The following MCM10 variants were observed in gnomAD, a reference collection of about 807,000 sequenced individuals.
MCM10 encodes the protein protein MCM10 homolog.
A neutral mutation model predicts 109.9 loss-of-function variants in MCM10; 91 were observed. That is an observed-to-expected ratio of 0.83 (90% confidence interval 0.70 to 0.99). The LOEUF is 0.99. Among genes scored for constraint, MCM10 ranks in the 50% least tolerant of loss-of-function variants. MCM10 has a pLI of 0.00. For missense variants in MCM10, 1,077 were observed against 1,061.2 expected (o/e 1.01, Z -0.21); for synonymous variants, 380 against 387.2 (o/e 0.98, Z 0.22).
chr10:13,198,652 T>C, intron 15 of MCM10, 37 bp from the exon 16 acceptor site: 2 of 1,394,588 alleles, frequency 1.4e-6, no homozygotes, highest in Non-Finnish European at 2.0e-6. Context: ...TTCTGAAATT[T>C]CTTGGTCGCT....
At chr10:13,198,323 A>T (rs1293093721) in intron 15 of MCM10, among the ~76,000 whole-genome samples, 1 of 152,254 alleles carries the variant, frequency 6.6e-6, no homozygotes, top group Non-Finnish European at 1.5e-5. Context: ...TTACTTTGAC[A>T]GAACTAGAAT....
Position 13,197,629 on chromosome 10 carries a change from G to C in MCM10, c.1981G>C (p.Ala661Pro), listed in dbSNP as rs772418997. 1.2e-6 allele frequency: 2 copies of C among 1,612,312 alleles called. No homozygotes were observed. Among genetic ancestry groups the C allele is most frequent in the East Asian group, 2.2e-5 (1 of 44,824 alleles). ...CTCATTCCCTTTTTTCTAGTTAGCT[G>C]CTATCACCAAATTAAGGGCAAAAGG... ...SALAEAKKLA[A>P]ITKLRAKGQV... Residue 661 changes from alanine (A) to proline (P), a missense_variant, in exon 15 of 20, where the codon GCT becomes CCT. By Grantham distance (27) the Ala-to-Pro change is conservative (BLOSUM62 -1). Coordinates refer to ENST00000378714, the MANE Select transcript of MCM10 (RefSeq NM_018518.5).
rs190404042 is a variant in MCM10, at chr10:13,210,435, T to A, written c.*1125T>A. On this transcript the variant is annotated 3_prime_UTR_variant, in exon 20 of 20. Transcript: ENST00000378714. Reference sequence around the variant, plus strand: ...AAATATCATTTGACCTAAGTGAATGTTGATACTAGCTAAAGATTGGGTAAA... The same window carrying A: ...AAATATCATTTGACCTAAGTGAATGATGATACTAGCTAAAGATTGGGTAAA... 2.0e-5 allele frequency: 3 copies of A among 152,330 alleles called. No individual in the cohort carries two copies. Among genetic ancestry groups the A allele is most frequent in the Admixed American group, 2.0e-4 (3 of 15,300 alleles). The allele number at this position is 152,330 out of a possible 1,614,324, so 9.4% of individuals were successfully genotyped here.
chr10:13,198,650 TTTC>T, intron 15 of MCM10, 36 bp from the exon 16 acceptor site: 1 of 1,386,892 alleles, frequency 7.2e-7, no homozygotes, highest in Non-Finnish European at 1.0e-6. Context: ...CTTTCTGAAA[TTTC>T]TTGGTCGCTG....
chr10:13,175,661 C>A lies in MCM10; in HGVS notation c.744C>A (p.Ala248=), dbSNP rs1834132931. ...CGACTCAACCCATCTGTGTGGAAGCCTTCTCTGGTCTGCGGCTCAGGTCAG... is the reference window on the plus strand; with the variant it reads ...CGACTCAACCCATCTGTGTGGAAGCATTCTCTGGTCTGCGGCTCAGGTCAG... ...GETTQPICVE[A]FSGLRLRRPR... The change falls in exon 6 of 20, where the codon GCC becomes GCA. Residue 248 remains alanine (A), a synonymous_variant. Coordinates refer to ENST00000378714, the MANE Select transcript of MCM10 (RefSeq NM_018518.5). 3.7e-6 allele frequency: 6 copies of A among 1,608,138 alleles called. No homozygotes were observed. The highest frequency in any genetic ancestry group is 5.1e-6 in the Non-Finnish European group (6 of 1,176,808).
chr10:13,163,594 T>TC, intron 1 of MCM10, among the ~76,000 whole-genome samples: 1 of 124,608 alleles, frequency 8.0e-6, no homozygotes, highest in Admixed American at 7.9e-5. Flanking sequence ...CTAAGTAGAA[T>TC]CATACAGTAA....
chr10:13,167,151 C>A (rs1376890176), intron 2 of MCM10, among the ~76,000 whole-genome samples: 2 of 151,684 alleles, frequency 1.3e-5, no homozygotes, highest in Non-Finnish European at 2.9e-5. Context: ...AATAAATAAA[C>A]AAACAAAAAA....
Position 13,172,507 on chromosome 10 carries a change from G to A in MCM10, c.454+27G>A, listed in dbSNP as rs763935946. On this transcript the variant is annotated intron_variant, in intron 4 of 19. Transcript: ENST00000378714. The surrounding 1 kb of genome is among the most constrained non-coding windows in gnomAD (Gnocchi z 5.2). The stretch of plus-strand genomic sequence containing the variant: ...TAAGAAGACTGTCATTCTGGCAATC[G>A]TGTGCATTTATTTTATTAGAAATTA... The A allele has an allele frequency of 1.1e-5, 17 of 1,606,166 alleles. No individual in the cohort carries two copies. Among genetic ancestry groups the A allele is most frequent in the South Asian group, 3.3e-5 (3 of 90,594 alleles).
intron 18 of MCM10, among the ~76,000 whole-genome samples, chr10:13,205,122 C>T (rs79880549): frequency 0.03 from 4,461 of 149,444 alleles, 196 homozygotes; most frequent in African/African-American, 0.093. Flanking sequence ...ATAGTAAAGT[C>T]GGGGCTTTTA....
At chr10:13,181,476 G>A (rs1374780790) in intron 7 of MCM10, among the ~76,000 whole-genome samples, 1 of 152,132 alleles carries the variant, frequency 6.6e-6, no homozygotes, top group Non-Finnish European at 1.5e-5. Flanking sequence ...CTAAATAAAT[G>A]AGATCACATG....
At position 13,183,975 on chromosome 10, in the gene MCM10, C is replaced by T. The variant is rs562630682; in HGVS notation, c.1098+875C>T. Among the ~76,000 whole-genome samples, 77 of 152,258 alleles carry T rather than the reference C, an allele frequency of 5.1e-4. 1 individual carries two copies. Among genetic ancestry groups the T allele is most frequent in the Non-Finnish European group, 1.0e-3 (70 of 68,012 alleles). On this transcript the variant is annotated intron_variant, in intron 8 of 19. Transcript: ENST00000378714. ...CCAGGTTCAAGTGGTTCTCCTGCCTCACCCTCAGCAGCTGGGATTACAGGC... is the reference window on the plus strand; with the variant it reads ...CCAGGTTCAAGTGGTTCTCCTGCCTTACCCTCAGCAGCTGGGATTACAGGC...
intron 6 of MCM10, among the ~76,000 whole-genome samples, chr10:13,177,206 C>T (rs1834153032): frequency 6.6e-6 from 1 of 152,088 alleles, no homozygotes; most frequent in Non-Finnish European, 1.5e-5. Flanking sequence ...GCAAAAGCTT[C>T]TGAGTGGCTT....
intron 18 of MCM10, 45 bp downstream of exon 18, chr10:13,204,409 ATC>A (rs1269877622): frequency 1.4e-5 from 22 of 1,605,568 alleles, no homozygotes; most frequent in Non-Finnish European, 1.9e-5. Context: ...GGGGATTTTC[ATC>A]TCTTTTTCCA....
chr10:13,170,678 T>TG (rs1834058587), intron 2 of MCM10, among the ~76,000 whole-genome samples: 1 of 151,476 alleles, frequency 6.6e-6, no homozygotes, highest in Middle Eastern at 3.4e-3. Context: ...TTTTTGTTTT[T>TG]TTTGTTTGTT....
chr10:13,168,235 G>T (rs1328726058), intron 2 of MCM10, among the ~76,000 whole-genome samples: 1 of 152,184 alleles, frequency 6.6e-6, no homozygotes, highest in Non-Finnish European at 1.5e-5. Flanking sequence ...GGGCTGCCTG[G>T]CCTCTTCTCT....
intron 9 of MCM10, among the ~76,000 whole-genome samples, chr10:13,187,578 AATGG>A (rs1470271620): frequency 6.6e-6 from 1 of 152,190 alleles, no homozygotes; most frequent in Non-Finnish European, 1.5e-5. Flanking sequence ...GCCCACCAGC[AATGG>A]ATGAACTTTC....
At chr10:13,201,590 C>G in intron 17 of MCM10, 56 bp downstream of exon 17, 2 of 1,273,124 alleles carry the variant, frequency 1.6e-6, no homozygotes, top group Non-Finnish European at 2.2e-6. Context: ...GCTTTTGTGA[C>G]TCGGCAGCAT....
intron 18 of MCM10, among the ~76,000 whole-genome samples, chr10:13,205,582 G>C (rs1167611239): frequency 6.6e-6 from 1 of 152,094 alleles, no homozygotes; most frequent in African/African-American, 2.4e-5. Flanking sequence ...TTTATTTTTA[G>C]TTCTTTGAGA....
intron 3 of MCM10, among the ~76,000 whole-genome samples, chr10:13,171,764 A>G (rs1287289039): frequency 1.3e-5 from 2 of 151,494 alleles, no homozygotes; most frequent in African/African-American, 4.8e-5. Context: ...TGAAGTAAAT[A>G]TAATTTTTTT....
Sources: gnomAD v4.1 joint callset for allele counts (sites outside exome capture counted in the v4.1 genomes callset) on GRCh38, gnomAD v4.1.1 for gene constraint, Gnocchi (gnomAD v3.1) non-coding constraint, MANE v1.5 for transcripts, NCBI Gene and HGNC (gene_info 2026-07-23, HGNC 2026-07-21) for gene names.